HNRNPC: variants seen among roughly 807,000 people sequenced by gnomAD.
The protein encoded by HNRNPC is heterogeneous nuclear ribonucleoproteins C1/C2.
HNRNPC carries 3 observed loss-of-function variants against 33.2 expected under a neutral mutation model. That is an observed-to-expected ratio of 0.09 (90% CI 0.04 to 0.23). HNRNPC has a LOEUF of 0.23. Among genes scored for constraint, HNRNPC ranks in the 10% least tolerant of loss-of-function variants. The pLI is 1.00. For synonymous variants in HNRNPC, 121 were observed against 126.7 expected (o/e 0.96, Z 0.30); for missense variants, 143 against 366.7 (o/e 0.39, Z 4.98).
chr14:21,239,418 G>GCAGT lies in HNRNPC; in HGVS notation c.-36-5193_-36-5190dup, dbSNP rs996034477. Reference sequence around the variant, plus strand: ...ATGCTTGAACCTTGGAGGCAGAGGTGCAGTCAGCGGAGATAGCGCCACTGC... The same window carrying GCAGT: ...ATGCTTGAACCTTGGAGGCAGAGGTGCAGTCAGTCAGCGGAGATAGCGCCACTGC... On this transcript the variant is annotated intron_variant, in intron 2 of 8. Transcript: ENST00000553300. 2.1e-4 allele frequency among the ~76,000 whole-genome samples: 32 copies of GCAGT among 152,146 alleles called. 1 individual carries two copies. Among genetic ancestry groups the GCAGT allele is most frequent in the African/African-American group, 7.7e-4 (32 of 41,506 alleles).
intron 2 of HNRNPC, among the ~76,000 whole-genome samples, chr14:21,247,886 C>G (rs1480272417): frequency 6.6e-6 from 1 of 151,668 alleles, no homozygotes; most frequent in Non-Finnish European, 1.5e-5. Context: ...ACTTGGGAGG[C>G]CGAGGCATGA....
At chr14:21,236,768 A>G (rs1175673903) in intron 2 of HNRNPC, among the ~76,000 whole-genome samples, 2 of 152,322 alleles carry the variant, frequency 1.3e-5, no homozygotes, top group Non-Finnish European at 2.9e-5. Context: ...AACTACTGGA[A>G]AAGAACTGGG....
At chr14:21,225,774 T>C (rs148651977) in intron 5 of HNRNPC, among the ~76,000 whole-genome samples, 192 of 152,256 alleles carry the variant, frequency 1.3e-3, no homozygotes, top group African/African-American at 4.4e-3. Context: ...AAATTCACCA[T>C]TTAAAAGGGT....
At chr14:21,244,512 T>C (rs968650532) in intron 2 of HNRNPC, among the ~76,000 whole-genome samples, 3 of 152,230 alleles carry the variant, frequency 2.0e-5, no homozygotes, top group Non-Finnish European at 4.4e-5. Context: ...AGCTTTTGAA[T>C]TGCCAAAGTC....
chr14:21,240,831 C>G (rs1895253834), intron 2 of HNRNPC, among the ~76,000 whole-genome samples: 1 of 152,116 alleles, frequency 6.6e-6, no homozygotes, highest in South Asian at 2.1e-4. Context: ...ACACATTATC[C>G]AATGGTCCAG....
chr14:21,250,844 T>C (rs762201332), intron 2 of HNRNPC, among the ~76,000 whole-genome samples: 2 of 152,224 alleles, frequency 1.3e-5, no homozygotes. Flanking sequence ...TTCTTTTCAA[T>C]GTGCATATCG....
chr14:21,214,539 G>A (rs953982966), intron 5 of HNRNPC, among the ~76,000 whole-genome samples: 1 of 152,050 alleles, frequency 6.6e-6, no homozygotes, highest in Non-Finnish European at 1.5e-5. Flanking sequence ...AACCATGACT[G>A]CACCACTGCA....
At chr14:21,236,941 G>A (rs1894758301) in intron 2 of HNRNPC, among the ~76,000 whole-genome samples, 1 of 152,158 alleles carries the variant, frequency 6.6e-6, no homozygotes, top group Non-Finnish European at 1.5e-5. Flanking sequence ...CACTGACTGT[G>A]GGAGAAATAA....
intron 5 of HNRNPC, among the ~76,000 whole-genome samples, chr14:21,215,069 A>C (rs949761583): frequency 1.6e-4 from 25 of 152,232 alleles, no homozygotes; most frequent in African/African-American, 6.0e-4. Flanking sequence ...AAATAAAGCA[A>C]GTAATACAGT....
Position 21,253,803 on chromosome 14 carries a change from G to T in HNRNPC, c.-37+9508C>A, listed in dbSNP as rs143335891. Among the ~76,000 whole-genome samples the T allele has an allele frequency of 9.0e-3, 1,369 of 151,740 alleles. 13 individuals carry two copies. Among genetic ancestry groups the T allele is most frequent in the Non-Finnish European group, 0.015 (1,020 of 67,856 alleles). Reference sequence around the variant, plus strand: ...ATGTGCGGCCAGGCGCGGTGGCTCAGGCCTGTAATCCCAGCACTTTGGGAG... The same window carrying T: ...ATGTGCGGCCAGGCGCGGTGGCTCATGCCTGTAATCCCAGCACTTTGGGAG... On this transcript the variant is annotated intron_variant, in intron 2 of 8. Coordinates refer to ENST00000553300, the MANE Select transcript of HNRNPC (RefSeq NM_004500.4).
intron 2 of HNRNPC, among the ~76,000 whole-genome samples, chr14:21,258,965 C>G (rs1192142467): frequency 1.3e-5 from 2 of 152,188 alleles, no homozygotes; most frequent in East Asian, 3.8e-4. Context: ...ATTCCCTACA[C>G]AACAGAAGAT....
intron 2 of HNRNPC, chr14:21,236,288 C>T (rs1233126275): frequency 6.6e-6 from 1 of 152,082 alleles, no homozygotes; most frequent in African/African-American, 2.4e-5. Context: ...AAATTTGCTA[C>T]AAAAATCATC....
chr14:21,220,932 A>G (rs1307837519), intron 5 of HNRNPC, among the ~76,000 whole-genome samples: 3 of 152,048 alleles, frequency 2.0e-5, no homozygotes, highest in Non-Finnish European at 4.4e-5. Context: ...ACTAAAATAC[A>G]CAAAAAAAGT....
At chr14:21,242,868 G>A (rs1312558627) in intron 2 of HNRNPC, among the ~76,000 whole-genome samples, 1 of 152,146 alleles carries the variant, frequency 6.6e-6, no homozygotes, top group Non-Finnish European at 1.5e-5. Flanking sequence ...CAATACAACT[G>A]GTTTGGACAC....
chr14:21,228,905 T>C (rs965288424), intron 5 of HNRNPC, among the ~76,000 whole-genome samples: 2 of 149,054 alleles, frequency 1.3e-5, no homozygotes, highest in Non-Finnish European at 3.0e-5. Flanking sequence ...GCCAACATGG[T>C]GAAACCCAGC....
chr14:21,239,131 AAC>A (rs560424405), intron 2 of HNRNPC, among the ~76,000 whole-genome samples: 189 of 152,270 alleles, frequency 1.2e-3, no homozygotes, highest in Middle Eastern at 3.4e-3. Flanking sequence ...CTCAAAAACA[AAC>A]AAACATACAG....
At chr14:21,259,136 G>T in intron 2 of HNRNPC, among the ~76,000 whole-genome samples, 1 of 152,084 alleles carries the variant, frequency 6.6e-6, no homozygotes, top group South Asian at 2.1e-4. Context: ...TTATTTTCCA[G>T]TATTATTTCT....
chr14:21,230,012 C>T (rs1343009215), intron 5 of HNRNPC, among the ~76,000 whole-genome samples: 1 of 152,174 alleles, frequency 6.6e-6, no homozygotes, highest in Non-Finnish European at 1.5e-5. Context: ...TTGCTATCAA[C>T]AGTTCTAAAT....
At chr14:21,221,811 G>C (rs1011510656) in intron 5 of HNRNPC, among the ~76,000 whole-genome samples, 1 of 152,052 alleles carries the variant, frequency 6.6e-6, no homozygotes, top group Non-Finnish European at 1.5e-5. Flanking sequence ...GCACTTTGAG[G>C]CCGAGGCAGG....
Sources: gnomAD v4.1 joint callset for allele counts (sites outside exome capture counted in the v4.1 genomes callset) on GRCh38, gnomAD v4.1.1 for gene constraint, MANE v1.5 for transcripts, NCBI Gene and HGNC (gene_info 2026-07-23, HGNC 2026-07-21) for gene names.